The following COL25A1 variants were observed in gnomAD, a reference collection of about 807,000 sequenced individuals.
COL25A1 encodes collagen type XXV alpha 1 chain, also known as collagen alpha-1(XXV) chain.
A neutral mutation model predicts 128.4 loss-of-function variants in COL25A1; 103 were observed. That is an observed-to-expected ratio of 0.80 (90% CI 0.68 to 0.94). The LOEUF is 0.94. COL25A1 is among the 40% of genes least tolerant of loss of function. The pLI is 0.00. For missense variants in COL25A1, 745 were observed against 840.0 expected (o/e 0.89, Z 1.40); for synonymous variants, 279 against 277.2 (o/e 1.01, Z -0.06).
At chr4:108,880,492 T>C (rs1739987796) in intron 19 of COL25A1, among the ~76,000 whole-genome samples, 1 of 152,224 alleles carries the variant, frequency 6.6e-6, no homozygotes, top group South Asian at 2.1e-4. Flanking sequence ...ATAGAACATG[T>C]GTGTAACCAA....
chr4:109,196,371 T>C (rs984712934), intron 3 of COL25A1, among the ~76,000 whole-genome samples: 3 of 152,174 alleles, frequency 2.0e-5, no homozygotes, highest in South Asian at 2.1e-4. Context: ...TATAAAAATA[T>C]CGTATGCATT....
rs1734032094 is a variant in COL25A1, at chr4:108,838,239, A to C, written c.1656+3456T>G. The C allele has an allele frequency of 4.3e-6, 5 of 1,154,040 alleles. No homozygotes were observed. The Admixed American group carries it at 1.0e-4, about 23-fold the overall frequency. 71.5% of individuals were successfully genotyped at this position (1,154,040 alleles called of 1,614,324 possible). On this transcript the variant is annotated intron_variant, in intron 31 of 37. Transcript: ENST00000399132. ...TTATGGGTGTTTAAACTGTGAGAGAAGAGAGCCAGTCTCTGAAATAGTTGC... is the reference window on the plus strand; with the variant it reads ...TTATGGGTGTTTAAACTGTGAGAGACGAGAGCCAGTCTCTGAAATAGTTGC...
At chr4:109,050,756 T>C (rs887895000) in intron 3 of COL25A1, among the ~76,000 whole-genome samples, 1 of 152,184 alleles carries the variant, frequency 6.6e-6, no homozygotes, top group African/African-American at 2.4e-5. Context: ...CACAACCTTT[T>C]TAATAAGACA....
chr4:109,217,505 T>C (rs1033177914), intron 3 of COL25A1, among the ~76,000 whole-genome samples: 67 of 140,944 alleles, frequency 4.8e-4, no homozygotes, highest in Non-Finnish European at 9.1e-4. Context: ...AATAACCTAT[T>C]AATAATTTAG....
At chr4:109,229,390 T>C (rs987335963) in intron 3 of COL25A1, among the ~76,000 whole-genome samples, 45 of 152,228 alleles carry the variant, frequency 3.0e-4, no homozygotes, top group Admixed American at 5.9e-4. Flanking sequence ...ATTCAATACA[T>C]AACCTTGCTT....
intron 11 of COL25A1, among the ~76,000 whole-genome samples, chr4:108,924,012 G>C (rs1010871281): frequency 2.6e-5 from 4 of 152,032 alleles, no homozygotes; most frequent in Non-Finnish European, 5.9e-5. Context: ...ATTAAAAACT[G>C]TAACATACAG....
chr4:108,908,206 C>T (rs1287596815), intron 13 of COL25A1, among the ~76,000 whole-genome samples: 1 of 152,200 alleles, frequency 6.6e-6, no homozygotes, highest in African/African-American at 2.4e-5. Context: ...GTCAATTCTT[C>T]ACCAGTTTCC....
intron 3 of COL25A1, among the ~76,000 whole-genome samples, chr4:109,094,974 T>G (rs532659805): frequency 6.6e-6 from 1 of 152,332 alleles, no homozygotes; most frequent in African/African-American, 2.4e-5. Flanking sequence ...CCTTCTCTAA[T>G]TGTTACAACT....
chr4:109,082,820 T>C (rs568818017), intron 3 of COL25A1, among the ~76,000 whole-genome samples: 79 of 152,264 alleles, frequency 5.2e-4, no homozygotes, highest in South Asian at 2.1e-4. Context: ...GTTATATAGG[T>C]AAACTACTGG....
At chr4:109,210,917 G>A (rs1223660422) in intron 3 of COL25A1, among the ~76,000 whole-genome samples, 1 of 151,960 alleles carries the variant, frequency 6.6e-6, no homozygotes, top group Admixed American at 6.6e-5. Flanking sequence ...AGTTAACACA[G>A]GAACAGAAAA....
At chr4:109,260,360 T>C (rs1329883724) in intron 3 of COL25A1, among the ~76,000 whole-genome samples, 1 of 152,080 alleles carries the variant, frequency 6.6e-6, no homozygotes, top group Non-Finnish European at 1.5e-5. Context: ...GGAGTAACGA[T>C]TTTGGAACTT....
At chr4:109,187,164 GA>G (rs1775215305) in intron 3 of COL25A1, among the ~76,000 whole-genome samples, 1 of 43,466 alleles carries the variant, frequency 2.3e-5, no homozygotes, top group Non-Finnish European at 1.2e-4. Context: ...TAGTGACACA[GA>G]GTCGTGTTTT....
At chr4:109,035,759 T>C (rs989143093) in intron 5 of COL25A1, among the ~76,000 whole-genome samples, 3 of 152,116 alleles carry the variant, frequency 2.0e-5, no homozygotes, top group Non-Finnish European at 2.9e-5. Flanking sequence ...GTGAATTCCT[T>C]ATAAATTATG....
intron 35 of COL25A1, among the ~76,000 whole-genome samples, chr4:108,821,737 G>C (rs1731790154): frequency 6.6e-6 from 1 of 152,156 alleles, no homozygotes; most frequent in African/African-American, 2.4e-5. Context: ...GTTATTATTA[G>C]TCAGCATTGT....
At position 109,280,310 on chromosome 4, in the gene COL25A1, G is replaced by A. The variant is rs114688543; in HGVS notation, c.367+20273C>T. ...AATGGAATTCTATTCAGATATTAAA[G>A]CAGCAAAAGATGAGACAGCGTCATC... On this transcript the variant is annotated intron_variant, in intron 3 of 37. Coordinates refer to ENST00000399132, the MANE Select transcript of COL25A1 (RefSeq NM_198721.4). 3.2e-3 allele frequency among the ~76,000 whole-genome samples: 485 copies of A among 152,268 alleles called. 2 individuals carry two copies. Among genetic ancestry groups the A allele is most frequent in the African/African-American group, 0.011 (467 of 41,554 alleles).
intron 19 of COL25A1, among the ~76,000 whole-genome samples, chr4:108,875,407 G>A (rs975555978): frequency 6.6e-6 from 1 of 152,128 alleles, no homozygotes; most frequent in African/African-American, 2.4e-5. Flanking sequence ...CAAAGGACAT[G>A]AACAGACACT....
intron 8 of COL25A1, among the ~76,000 whole-genome samples, chr4:108,944,291 A>C (rs1402408601): frequency 2.0e-5 from 3 of 152,194 alleles, no homozygotes; most frequent in Non-Finnish European, 4.4e-5. Context: ...GAAATGCTAC[A>C]AGTTTGAAAA....
At chr4:108,963,742 A>G (rs1051761521) in intron 8 of COL25A1, among the ~76,000 whole-genome samples, 1 of 151,966 alleles carries the variant, frequency 6.6e-6, no homozygotes, top group Non-Finnish European at 1.5e-5. Context: ...CCAATATTTT[A>G]TAAAAAGCAG....
At chr4:109,230,568 A>C (rs1481421240) in intron 3 of COL25A1, among the ~76,000 whole-genome samples, 1 of 152,230 alleles carries the variant, frequency 6.6e-6, no homozygotes, top group Non-Finnish European at 1.5e-5. Flanking sequence ...ATGCTATAAA[A>C]CTTAACAATG....
Sources: gnomAD v4.1 joint callset for allele counts (sites outside exome capture counted in the v4.1 genomes callset) on GRCh38, gnomAD v4.1.1 for gene constraint, MANE v1.5 for transcripts, NCBI Gene and HGNC (gene_info 2026-07-23, HGNC 2026-07-21) for gene names.